RAP1GAP: variants seen among roughly 807,000 people sequenced by gnomAD.
The protein encoded by RAP1GAP is RAP1 GTPase activating protein, also known as rap1 GTPase-activating protein 1.
RAP1GAP carries 35 observed loss-of-function variants against 87.2 expected under a neutral mutation model. The ratio of observed to expected loss-of-function variants is 0.40; its 90% CI spans 0.31 to 0.53. RAP1GAP has a LOEUF of 0.53. RAP1GAP is among the 20% of genes least tolerant of loss of function. The pLI, the probability that RAP1GAP is intolerant of heterozygous loss-of-function variation, is 0.48. For synonymous variants in RAP1GAP, 375 were observed against 363.9 expected, an observed-to-expected ratio of 1.03 and a Z score of -0.35; for missense variants, 734 against 898.9, an observed-to-expected ratio of 0.82 and a Z score of 2.35.
At position 21,634,718 on chromosome 1, in the gene RAP1GAP, C is replaced by T. The variant is rs1215194408; in HGVS notation, c.-112-8321G>A. 6.8e-6 allele frequency: 3 copies of T among 441,758 alleles called. No individual in the cohort carries two copies. The highest frequency in any genetic ancestry group is 4.5e-5 in the Admixed American group (2 of 44,594). The allele number at this position is 441,758 out of a possible 1,614,324, so 27.4% of individuals were successfully genotyped here. The stretch of plus-strand genomic sequence containing the variant: ...CTAGAGAGGTGGTCACGGGACCGGT[C>T]CCTGCCCAGGGCACAGCATCTGGGA... On this transcript the variant is annotated intron_variant, in intron 2 of 24. Coordinates refer to ENST00000374765, the MANE Select transcript of RAP1GAP (RefSeq NM_002885.4). The surrounding 1 kb of genome is among the most constrained non-coding windows in gnomAD (Gnocchi z 4.1).
rs141802922 is a variant in RAP1GAP, at chr1:21,625,664, A to G, written c.-19+640T>C. On this transcript the variant is annotated intron_variant, in intron 3 of 24. Transcript: ENST00000374765. The stretch of plus-strand genomic sequence containing the variant: ...AGCATTAAGTACTCTCTTAGTACAC[A>G]GTAAGTCTCAATAAATATTAGAGGT... Among the ~76,000 whole-genome samples, 904 of 152,358 alleles carry G rather than the reference A, an allele frequency of 5.9e-3. 10 individuals are homozygous for G. Among genetic ancestry groups the G allele is most frequent in the South Asian group, 0.035 (167 of 4,828 alleles).
intron 1 of RAP1GAP, among the ~76,000 whole-genome samples, chr1:21,652,813 C>T (rs914408414): frequency 4.6e-5 from 7 of 152,266 alleles, no homozygotes; most frequent in African/African-American, 1.7e-4. Flanking sequence ...TAGCCCTGAC[C>T]CCAGAGCACA....
At position 21,608,877 on chromosome 1, in the gene RAP1GAP, G is replaced by A; in HGVS notation, c.1131C>T (p.Tyr377=). ...TKLINAEYAC[Y]KAEKFAKLEE... The stretch of plus-strand genomic sequence containing the variant: ...CCAGTTTGGCAAACTTCTCTGCCTT[G>A]TAGCAGGCATATTCAGCATTGATCA... The change falls in exon 16 of 25, where the codon TAC becomes TAT. Residue 377 remains tyrosine, a synonymous_variant. Coordinates refer to ENST00000374765, the MANE Select transcript of RAP1GAP (RefSeq NM_002885.4). 1 of 1,614,088 alleles carries A rather than the reference G, an allele frequency of 6.2e-7. No homozygotes were observed. The highest frequency in any genetic ancestry group is 8.5e-7 in the Non-Finnish European group (1 of 1,179,972).
intron 17 of RAP1GAP, among the ~76,000 whole-genome samples, chr1:21,607,796 C>A (rs1398959255): frequency 2.0e-5 from 3 of 152,114 alleles, no homozygotes; most frequent in African/African-American, 7.2e-5. Context: ...AGTGTAAGCC[C>A]ATTCTAAAGC....
rs28669944 is a variant in RAP1GAP, at chr1:21,656,425, A to C, written c.-148-6629T>G. Among the ~76,000 whole-genome samples the C allele has an allele frequency of 7.5e-3, 838 of 111,990 alleles. 9 individuals carry two copies. The highest frequency in any genetic ancestry group is 0.019 in the East Asian group (55 of 2,902). 73.5% of individuals were successfully genotyped at this position (111,990 alleles called of 152,430 possible). On this transcript the variant is annotated intron_variant, in intron 1 of 24. Transcript: ENST00000374765. ...CATAGCAAGACTCCATCTAAAAAAA[A>C]AAAAAAAAAAAAAAAAAAAAAAAAA...
At chr1:21,630,412 G>A (rs2093497426) in intron 2 of RAP1GAP, among the ~76,000 whole-genome samples, 1 of 151,574 alleles carries the variant, frequency 6.6e-6, no homozygotes, top group Non-Finnish European at 1.5e-5. Context: ...GGGACTACAG[G>A]CACCACCATG....
intron 11 of RAP1GAP, 26 bp downstream of exon 11, chr1:21,612,000 G>A (rs781136681): frequency 9.2e-6 from 14 of 1,520,592 alleles, no homozygotes; most frequent in Non-Finnish European, 1.2e-5. Flanking sequence ...AGGTGGGGAG[G>A]GGCGGCAGGG....
At position 21,613,363 on chromosome 1, in the gene RAP1GAP, T is replaced by C; in HGVS notation, c.475-134A>G. The C allele has an allele frequency of 1.2e-6, 1 of 869,218 alleles. No individual in the cohort carries two copies. 53.8% of individuals were successfully genotyped at this position (869,218 alleles called of 1,614,324 possible). A position where few individuals can be genotyped will look rare whatever the true frequency, so the allele number is the denominator to read the frequency against. On this transcript the variant is annotated intron_variant, in intron 9 of 24. Transcript: ENST00000374765. The surrounding 1 kb of genome is among the most constrained non-coding windows in gnomAD (Gnocchi z 4.7). Reference sequence around the variant, plus strand: ...GCCAAGGCTAAAGCAGGACTCGGGGTTCACTGTTGCTCAGGGAACGGAGGT... The same window carrying C: ...GCCAAGGCTAAAGCAGGACTCGGGGCTCACTGTTGCTCAGGGAACGGAGGT...
Position 21,663,157 on chromosome 1 carries a change from G to A in RAP1GAP, c.-149+6097C>T, listed in dbSNP as rs866867948. Among the ~76,000 whole-genome samples, 38 of 152,340 alleles carry A rather than the reference G, an allele frequency of 2.5e-4. No homozygotes were observed. In the Middle Eastern group the frequency reaches 0.01, roughly 41 times the overall value. On this transcript the variant is annotated intron_variant, in intron 1 of 24. Transcript: ENST00000374765. ...CTGTGGGCTTTGGGGACTCGGACAG[G>A]TGAGGTCTTTGTCCCAGCGGCTCTG...
At chr1:21,624,594 T>C (rs1391962595) in intron 3 of RAP1GAP, among the ~76,000 whole-genome samples, 1 of 152,070 alleles carries the variant, frequency 6.6e-6, no homozygotes, top group Non-Finnish European at 1.5e-5. Context: ...AGATGAATCA[T>C]TCAGTCTCTC....
In RAP1GAP at chr1:21,634,109, C is replaced by T. The variant is rs1037985961; in HGVS notation, c.-112-7712G>A. On this transcript the variant is annotated intron_variant, in intron 2 of 24. Transcript: ENST00000374765. The surrounding 1 kb of genome is among the most constrained non-coding windows in gnomAD (Gnocchi z 4.1). ...CCATTGTTTTCTGAGCTCAACCAGCCGGCACTGCCCTCCCCTTGGCTTGCC... is the reference window on the plus strand; with the variant it reads ...CCATTGTTTTCTGAGCTCAACCAGCTGGCACTGCCCTCCCCTTGGCTTGCC... Among the ~76,000 whole-genome samples, 7 of 151,612 alleles carry T rather than the reference C, an allele frequency of 4.6e-5. No homozygotes were observed. The highest frequency in any genetic ancestry group is 7.4e-5 in the Non-Finnish European group (5 of 67,948).
chr1:21,644,969 T>G (rs990538956), intron 2 of RAP1GAP, among the ~76,000 whole-genome samples: 1 of 151,472 alleles, frequency 6.6e-6, no homozygotes, highest in African/African-American at 2.4e-5. Context: ...AGAGGTTGTT[T>G]CCTTGTCTAT....
intron 2 of RAP1GAP, among the ~76,000 whole-genome samples, chr1:21,627,137 A>G (rs934160494): frequency 2.0e-5 from 3 of 152,234 alleles, no homozygotes; most frequent in African/African-American, 7.2e-5. Flanking sequence ...CCTCTGGGGC[A>G]GGGAGAGGAA....
intron 20 of RAP1GAP, among the ~76,000 whole-genome samples, chr1:21,600,701 A>C (rs566703730): frequency 6.6e-6 from 1 of 151,960 alleles, no homozygotes; most frequent in African/African-American, 2.4e-5. Context: ...CCTGGCTAAC[A>C]CGGTGAAACC....
intron 2 of RAP1GAP, among the ~76,000 whole-genome samples, chr1:21,637,745 G>C (rs1414327432): frequency 6.6e-6 from 1 of 152,118 alleles, no homozygotes; most frequent in Non-Finnish European, 1.5e-5. Context: ...CTTTAGTCTT[G>C]ATGGAAAAGG....
intron 1 of RAP1GAP, among the ~76,000 whole-genome samples, chr1:21,653,582 TCCTTCCTTCCTCCCTC>T (rs1302616545): frequency 2.2e-4 from 29 of 132,020 alleles, no homozygotes; most frequent in African/African-American, 8.5e-4. Flanking sequence ...CTTCCTTCCT[TCCTTCCTTCCTCCCTC>T]CCTCCCTCCC....
intron 18 of RAP1GAP, chr1:21,604,011 C>T (rs2071641976): frequency 2.1e-6 from 2 of 947,052 alleles, no homozygotes; most frequent in Non-Finnish European, 3.1e-6. Context: ...GGAGGAGAGG[C>T]AGGGAAAGGA....
At chr1:21,602,744 C>T in intron 19 of RAP1GAP, 60 bp downstream of exon 19, 1 of 1,453,862 alleles carries the variant, frequency 6.9e-7, no homozygotes, top group East Asian at 2.4e-5. Flanking sequence ...TGCTTTGCCA[C>T]CGAATGGGGC....
intron 1 of RAP1GAP, among the ~76,000 whole-genome samples, chr1:21,660,352 T>TAGAGAGAGAGAGAGAGAGAGAGAGAGAG (rs1248298305): frequency 1.2e-5 from 1 of 85,972 alleles, no homozygotes; most frequent in Admixed American, 1.7e-4. Flanking sequence ...TATATATTTA[T>TAGAGAGAGAGAGAGAGAGAGAGAGAGAG]TGAGACAGTC....
Sources: allele counts gnomAD v4.1 joint callset (sites outside exome capture counted in the v4.1 genomes callset), GRCh38; gene constraint gnomAD v4.1.1; non-coding constraint Gnocchi (gnomAD v3.1); transcripts MANE v1.5; gene names NCBI Gene and HGNC (gene_info 2026-07-23, HGNC 2026-07-21).